Variants in KRT8 observed in about 807,000 individuals in gnomAD.
KRT8 encodes the protein keratin 8.
Under a neutral mutation model 43.0 loss-of-function variants are expected in KRT8, and 24 were observed. That is an observed-to-expected ratio of 0.56 (90% CI 0.40 to 0.78). The LOEUF (loss-of-function observed/expected upper bound fraction) is 0.78, where lower values mean the gene tolerates loss of function less well. Ranked by LOEUF, KRT8 falls within the 30% of genes least tolerant of loss-of-function variation. The pLI is 0.00. For synonymous variants in KRT8, 214 were observed against 261.2 expected, an observed-to-expected ratio of 0.82 and a Z score of 1.74; for missense variants, 492 against 638.4, an observed-to-expected ratio of 0.77 and a Z score of 2.47.
chr12:52,949,006 C>A, intron 2 of KRT8: 1 of 576,178 alleles, frequency 1.7e-6, no homozygotes, highest in Non-Finnish European at 3.0e-6. Context: ...CGGCCCGGGG[C>A]GGAGGGCGCG....
At position 52,920,411 on chromosome 12, in the gene KRT8, A is replaced by G. The variant is rs61323711; in HGVS notation, c.-46-15384T>C. ...TCAAGAGTTTGAGACCAGCCTGACCAACATGGAGAAACCCCATCTCTACTA... is the reference window on the plus strand; with the variant it reads ...TCAAGAGTTTGAGACCAGCCTGACCGACATGGAGAAACCCCATCTCTACTA... On this transcript the variant is annotated intron_variant, in intron 2 of 6. Coordinates refer to the KRT8 transcript ENST00000546826. 9.2e-3 allele frequency among the ~76,000 whole-genome samples: 1,406 copies of G among 152,016 alleles called. 23 individuals carry two copies. Among genetic ancestry groups the G allele is most frequent in the African/African-American group, 0.032 (1,314 of 41,448 alleles).
intron 2 of KRT8, among the ~76,000 whole-genome samples, chr12:52,931,589 C>T (rs965770463): frequency 2.0e-5 from 3 of 151,944 alleles, no homozygotes; most frequent in Non-Finnish European, 4.4e-5. Context: ...CTCTTCTTGA[C>T]CTGGTCTTCA....
chr12:52,901,794 AGTCCCAAG>A, intron 2 of KRT8, 62 bp downstream of exon 2: 1 of 1,060,424 alleles, frequency 9.4e-7, no homozygotes, highest in Admixed American at 1.7e-5. Flanking sequence ...ATGGGGACTT[AGTCCCAAG>A]GTCCCAAGGG....
At chr12:52,897,994 T>TC (rs1941256812) in intron 7 of KRT8, among the ~76,000 whole-genome samples, 1 of 152,040 alleles carries the variant, frequency 6.6e-6, no homozygotes. Flanking sequence ...TGAAACCCCG[T>TC]CTCTACTAAA....
intron 2 of KRT8, among the ~76,000 whole-genome samples, chr12:52,922,338 G>T (rs1434323317): frequency 6.6e-6 from 1 of 151,340 alleles, no homozygotes; most frequent in Non-Finnish European, 1.5e-5. Context: ...GGCACTCCCT[G>T]TACCATAGGT....
rs577361827 is a variant in KRT8, at chr12:52,917,108, G to A, written c.-46-12081C>T. ...GGAGCTTTGTGAAAAGAGAGTCTGC[G>A]GCCGGGCACACTGGCTCATGCCTGT... On this transcript the variant is annotated intron_variant, in intron 2 of 6. Coordinates refer to the KRT8 transcript ENST00000546826. Among the ~76,000 whole-genome samples the A allele has an allele frequency of 3.9e-5, 6 of 152,286 alleles. No homozygotes were observed. In the South Asian group the frequency reaches 1.0e-3, roughly 26 times the overall value.
intron 2 of KRT8, among the ~76,000 whole-genome samples, chr12:52,936,576 A>G (rs1942173158): frequency 6.6e-6 from 1 of 151,982 alleles, no homozygotes. Flanking sequence ...GCAATGGCGC[A>G]ATCTGCACTC....
chr12:52,900,908 C>A (rs1477807722), intron 3 of KRT8: 3 of 631,020 alleles, frequency 4.8e-6, no homozygotes, highest in Non-Finnish European at 8.5e-6. Flanking sequence ...CTCTAGGGAG[C>A]CTTCTAGAGC....
chr12:52,928,083 C>T (rs551581359), intron 2 of KRT8, among the ~76,000 whole-genome samples: 2 of 152,208 alleles, frequency 1.3e-5, no homozygotes, highest in East Asian at 1.9e-4. Context: ...AAACAGGGAG[C>T]GCTCTTGGCC....
intron 2 of KRT8, among the ~76,000 whole-genome samples, chr12:52,925,629 C>T (rs546047649): frequency 3.5e-4 from 53 of 152,258 alleles, no homozygotes; most frequent in African/African-American, 1.2e-3. Context: ...GATTCATCTC[C>T]ACAAAGGCTA....
intron 2 of KRT8, among the ~76,000 whole-genome samples, chr12:52,937,727 G>A (rs1180438217): frequency 1.3e-5 from 2 of 150,898 alleles, no homozygotes; most frequent in African/African-American, 4.9e-5. Context: ...GCCGGGCATG[G>A]TGGTTCATGC....
chr12:52,922,822 C>T (rs1941915136), intron 2 of KRT8, among the ~76,000 whole-genome samples: 1 of 152,202 alleles, frequency 6.6e-6, no homozygotes, highest in African/African-American at 2.4e-5. Context: ...TCTTCTGGCT[C>T]CAAAACCCAA....
chr12:52,935,378 CAAAAAAAAAAAAAA>C lies in KRT8; in HGVS notation c.-47+14064_-47+14077del, dbSNP rs71092794. On this transcript the variant is annotated intron_variant, in intron 2 of 6. Coordinates refer to the KRT8 transcript ENST00000546826. ...TGGGTGACAGAGCAAGACTCTGTCT[CAAAAAAAAAAAAAA>C]AAAAAAAAAAAAAAAAAAGGCCGGG... 4.6e-4 allele frequency among the ~76,000 whole-genome samples: 11 copies of C among 23,750 alleles called. No individual in the cohort carries two copies. In the South Asian group the frequency reaches 0.016, roughly 35 times the overall value. 15.6% of individuals were successfully genotyped at this position (23,750 alleles called of 152,430 possible). A position where few individuals can be genotyped will look rare whatever the true frequency, so the allele number is the denominator to read the frequency against.
At chr12:52,923,896 G>A (rs1460466402) in intron 2 of KRT8, among the ~76,000 whole-genome samples, 1 of 151,468 alleles carries the variant, frequency 6.6e-6, no homozygotes, top group Admixed American at 6.6e-5. Flanking sequence ...CCAGGCTGGA[G>A]TGCAGTGGCA....
At chr12:52,898,648 A>G in intron 6 of KRT8, 31 bp downstream of exon 6, 1 of 1,614,016 alleles carries the variant, frequency 6.2e-7, no homozygotes, top group South Asian at 1.1e-5. Flanking sequence ...GGGATAGGGA[A>G]GCAGGTCCGG....
chr12:52,915,960 C>T (rs1689378155), intron 2 of KRT8, among the ~76,000 whole-genome samples: 1 of 152,142 alleles, frequency 6.6e-6, no homozygotes, highest in Admixed American at 6.6e-5. Flanking sequence ...CAGATGTATG[C>T]TATAGGACTT....
At chr12:52,903,902 C>T (rs1182655815) in intron 1 of KRT8, among the ~76,000 whole-genome samples, 2 of 145,544 alleles carry the variant, frequency 1.4e-5, no homozygotes, top group African/African-American at 5.1e-5. Context: ...CCCCCGACGC[C>T]GAGCTCCGCC....
At chr12:52,928,909 A>G (rs1039454114) in intron 2 of KRT8, among the ~76,000 whole-genome samples, 4 of 152,172 alleles carry the variant, frequency 2.6e-5, no homozygotes, top group African/African-American at 9.7e-5. Context: ...TCCAACTCAA[A>G]AAACAAAAAT....
chr12:52,920,506 C>G (rs539513520), intron 2 of KRT8, among the ~76,000 whole-genome samples: 1 of 151,958 alleles, frequency 6.6e-6, no homozygotes, highest in Admixed American at 6.6e-5. Flanking sequence ...CTGAGGCAGG[C>G]GAATTGATTG....
Sources: gnomAD v4.1 joint callset for allele counts (sites outside exome capture counted in the v4.1 genomes callset) on GRCh38, gnomAD v4.1.1 for gene constraint, MANE v1.5 for transcripts, NCBI Gene and HGNC (gene_info 2026-07-23, HGNC 2026-07-21) for gene names.